The following PARD3B variants were observed in gnomAD, a reference collection of about 807,000 sequenced individuals.
The protein encoded by PARD3B is par-3 family cell polarity regulator beta.
PARD3B carries 103 observed loss-of-function variants against 130.2 expected under a neutral mutation model. That is an observed-to-expected ratio of 0.79 (90% CI 0.67 to 0.93). The LOEUF is 0.93. Among genes scored for constraint, PARD3B ranks in the 40% least tolerant of loss-of-function variants. The pLI is 0.00. For missense variants in PARD3B, 1,609 were observed against 1,499.2 expected (o/e 1.07, Z -1.21); for synonymous variants, 583 against 553.2 (o/e 1.05, Z -0.76).
intron 2 of PARD3B, among the ~76,000 whole-genome samples, chr2:204,860,604 T>A (rs891577658): frequency 5.3e-5 from 8 of 152,178 alleles, no homozygotes; most frequent in African/African-American, 1.9e-4. Flanking sequence ...GATATTCAAT[T>A]GTTAACTGCA....
intron 2 of PARD3B, among the ~76,000 whole-genome samples, chr2:204,750,749 C>T (rs59875139): frequency 0.024 from 3,663 of 152,154 alleles, 116 homozygotes; most frequent in African/African-American, 0.082. Context: ...TAAATACTAT[C>T]CTCCTTTCAA....
At chr2:204,614,443 T>C (rs911689956) in intron 1 of PARD3B, among the ~76,000 whole-genome samples, 1 of 152,190 alleles carries the variant, frequency 6.6e-6, no homozygotes, top group Non-Finnish European at 1.5e-5. Context: ...AGCCCAGCTA[T>C]GGAGCTTCTG....
At chr2:205,431,021 A>G (rs752029346) in intron 19 of PARD3B, among the ~76,000 whole-genome samples, 2 of 152,232 alleles carry the variant, frequency 1.3e-5, no homozygotes, top group African/African-American at 2.4e-5. Context: ...TACTTTCAAA[A>G]TGCTTGGTAA....
At chr2:205,497,610 C>G (rs959311397) in intron 20 of PARD3B, among the ~76,000 whole-genome samples, 2 of 151,944 alleles carry the variant, frequency 1.3e-5, no homozygotes, top group Non-Finnish European at 1.5e-5. Flanking sequence ...TGGGGCTCTA[C>G]CTACCTTTCC....
chr2:205,343,266 C>G (rs1037463265), intron 18 of PARD3B, among the ~76,000 whole-genome samples: 1 of 152,188 alleles, frequency 6.6e-6, no homozygotes, highest in Non-Finnish European at 1.5e-5. Flanking sequence ...CAGGCTCAGC[C>G]TTATCTCTGG....
chr2:204,640,289 T>A (rs1019007501), intron 1 of PARD3B, among the ~76,000 whole-genome samples: 1 of 152,136 alleles, frequency 6.6e-6, no homozygotes, highest in Admixed American at 6.5e-5. Flanking sequence ...CTTGCTCTTC[T>A]CTTCACCACC....
At chr2:205,411,563 T>C (rs1235923627) in intron 19 of PARD3B, among the ~76,000 whole-genome samples, 5 of 152,106 alleles carry the variant, frequency 3.3e-5, no homozygotes, top group Admixed American at 3.3e-4. Context: ...AGGTGCTGAC[T>C]GTTATTTTCT....
intron 2 of PARD3B, among the ~76,000 whole-genome samples, chr2:204,883,911 G>A (rs1264415331): frequency 2.7e-5 from 4 of 150,490 alleles, no homozygotes; most frequent in Non-Finnish European, 4.4e-5. Context: ...CTAATTTTTT[G>A]TGTTTTTAGT....
chr2:204,810,065 T>C (rs1181578547), intron 2 of PARD3B, among the ~76,000 whole-genome samples: 2 of 147,080 alleles, frequency 1.4e-5, no homozygotes, highest in Non-Finnish European at 2.9e-5. Flanking sequence ...ATAGGAATGC[T>C]AGTGATTTTT....
At chr2:205,455,212 A>T (rs184155291) in intron 20 of PARD3B, among the ~76,000 whole-genome samples, 16 of 152,220 alleles carry the variant, frequency 1.1e-4, no homozygotes, top group Non-Finnish European at 2.1e-4. Flanking sequence ...CATCTGTAAA[A>T]TGAGCATAAT....
chr2:205,099,681 CA>C (rs1410141627), intron 4 of PARD3B, among the ~76,000 whole-genome samples: 1 of 152,104 alleles, frequency 6.6e-6, no homozygotes, highest in Non-Finnish European at 1.5e-5. Context: ...TTGCTGAAGT[CA>C]ATTTGAAATT....
chr2:204,771,694 GTT>G (rs2041393118), intron 2 of PARD3B, among the ~76,000 whole-genome samples: 1 of 151,950 alleles, frequency 6.6e-6, no homozygotes, highest in South Asian at 2.1e-4. Flanking sequence ...AAAAGTTGCT[GTT>G]TTTTATTTAA....
At position 205,061,294 on chromosome 2, in the gene PARD3B, A is replaced by G. The variant is rs116693192; in HGVS notation, c.504+13604A>G. 7.6e-3 allele frequency among the ~76,000 whole-genome samples: 1,150 copies of G among 152,244 alleles called. 9 individuals carry two copies. Among genetic ancestry groups the G allele is most frequent in the African/African-American group, 0.026 (1,091 of 41,550 alleles). On this transcript the variant is annotated intron_variant, in intron 4 of 22. Transcript: ENST00000406610. Reference sequence around the variant, plus strand: ...TTCTGGCATGGCAGTGGAAGTGTGAACCATGAGATGTGGAAGGCTAGAGTG... The same window carrying G: ...TTCTGGCATGGCAGTGGAAGTGTGAGCCATGAGATGTGGAAGGCTAGAGTG...
At chr2:204,661,306 G>T (rs76616251) in intron 1 of PARD3B, among the ~76,000 whole-genome samples, 2 of 152,042 alleles carry the variant, frequency 1.3e-5, no homozygotes, top group African/African-American at 4.8e-5. Context: ...TGGTGTTAAC[G>T]GTTTTTCCCT....
chr2:204,720,829 A>C (rs1447100367), intron 2 of PARD3B, among the ~76,000 whole-genome samples: 1 of 152,138 alleles, frequency 6.6e-6, no homozygotes, highest in Non-Finnish European at 1.5e-5. Context: ...CGGAAGTTTC[A>C]GCTGAAGGTA....
intron 4 of PARD3B, among the ~76,000 whole-genome samples, chr2:205,079,152 C>T (rs1467964256): frequency 1.3e-5 from 2 of 152,284 alleles, no homozygotes; most frequent in Non-Finnish European, 2.9e-5. Flanking sequence ...CAATAACGAC[C>T]AGAACAAGTA....
intron 2 of PARD3B, among the ~76,000 whole-genome samples, chr2:204,791,611 C>T (rs1190111528): frequency 6.6e-6 from 1 of 152,206 alleles, no homozygotes; most frequent in African/African-American, 2.4e-5. Context: ...TTTTCAGTGG[C>T]TTACCTGAAC....
intron 3 of PARD3B, among the ~76,000 whole-genome samples, chr2:205,012,722 T>G (rs185047029): frequency 1.3e-5 from 2 of 152,388 alleles, no homozygotes; most frequent in South Asian, 2.1e-4. Flanking sequence ...TAACTATTTC[T>G]GTATTTATCT....
At chr2:205,085,864 A>G (rs936665840) in intron 4 of PARD3B, among the ~76,000 whole-genome samples, 2 of 151,704 alleles carry the variant, frequency 1.3e-5, no homozygotes, top group African/African-American at 2.4e-5. Flanking sequence ...TATCATATTT[A>G]TGAATGACTG....
Sources: gnomAD v4.1 joint callset for allele counts (sites outside exome capture counted in the v4.1 genomes callset) on GRCh38, gnomAD v4.1.1 for gene constraint, MANE v1.5 for transcripts, NCBI Gene and HGNC (gene_info 2026-07-23, HGNC 2026-07-21) for gene names.